PTK2B: variants seen among roughly 807,000 people sequenced by gnomAD.
PTK2B encodes protein tyrosine kinase 2 beta.
PTK2B carries 71 observed loss-of-function variants against 142.9 expected under a neutral mutation model. That is an observed-to-expected ratio of 0.50 (90% confidence interval 0.41 to 0.61). PTK2B has a LOEUF of 0.61. Ranked by LOEUF, PTK2B falls within the 20% of genes least tolerant of loss-of-function variation. PTK2B has a pLI of 0.00. For synonymous variants in PTK2B, 519 were observed against 503.4 expected (o/e 1.03, Z -0.42); for missense variants, 1,105 against 1,320.4 (o/e 0.84, Z 2.53).
upstream of PTK2B, among the ~76,000 whole-genome samples, chr8:27,324,332 T>TG (rs920785822): frequency 2.6e-5 from 4 of 151,870 alleles, no homozygotes; most frequent in East Asian, 3.9e-4. Flanking sequence ...TGGGAAGGGG[T>TG]GGGGGGGCTC....
intron 24 of PTK2B, among the ~76,000 whole-genome samples, chr8:27,447,474 C>T (rs1053103463): frequency 6.6e-6 from 1 of 152,212 alleles, no homozygotes; most frequent in Non-Finnish European, 1.5e-5. Flanking sequence ...GCTCTATAGC[C>T]TGACTCATCA....
intron 2 of PTK2B, among the ~76,000 whole-genome samples, chr8:27,416,141 A>G (rs1252431582): frequency 1.3e-5 from 2 of 152,168 alleles, no homozygotes; most frequent in Non-Finnish European, 2.9e-5. Flanking sequence ...ACACAGTCCC[A>G]CTCATAATGC....
At position 27,372,199 on chromosome 8, in the gene PTK2B, G is replaced by A. The variant is rs12681219; in HGVS notation, c.-37-25349G>A. ...AATCTTCAGTTTCTTCCTCAAAGGC[G>A]TAACTGTCTTTTAATTAAAGGGAGT... On this transcript the variant is annotated intron_variant, in intron 1 of 30. Transcript: ENST00000346049. 5.4e-3 allele frequency among the ~76,000 whole-genome samples: 820 copies of A among 152,316 alleles called. 9 individuals are homozygous for A. Among genetic ancestry groups the A allele is most frequent in the East Asian group, 0.038 (195 of 5,190 alleles).
chr8:27,414,890 AC>A (rs5890368), intron 2 of PTK2B, among the ~76,000 whole-genome samples: 35,498 of 151,732 alleles, frequency 0.23, 4,267 homozygotes, highest in Middle Eastern at 0.36. Flanking sequence ...TCTTGGCCCA[AC>A]TCCTTTGACC....
At position 27,387,817 on chromosome 8, in the gene PTK2B, C is replaced by CT. The variant is rs60954097; in HGVS notation, c.-37-9716dup. ...CTTTCTCATCCTAGACTGGGGAAGG[C>CT]TTTTTTTTTTTTTTTAAATCTACAT... On this transcript the variant is annotated intron_variant, in intron 1 of 30. Coordinates refer to ENST00000346049, the MANE Select transcript of PTK2B (RefSeq NM_173176.3). Among the ~76,000 whole-genome samples, 255 of 145,080 alleles carry CT rather than the reference C, an allele frequency of 1.8e-3. 1 individual carries two copies. Among genetic ancestry groups the CT allele is most frequent in the East Asian group, 3.5e-3 (17 of 4,898 alleles).
intron 24 of PTK2B, among the ~76,000 whole-genome samples, chr8:27,448,186 T>G (rs1811586883): frequency 6.6e-6 from 1 of 152,214 alleles, no homozygotes; most frequent in African/African-American, 2.4e-5. Context: ...GAGGCAAGAC[T>G]GAGTGGTGGG....
chr8:27,393,466 G>C (rs1212642066), intron 1 of PTK2B, among the ~76,000 whole-genome samples: 1 of 151,982 alleles, frequency 6.6e-6, no homozygotes, highest in Non-Finnish European at 1.5e-5. Flanking sequence ...GGGAGAGTGA[G>C]GAAGATAAGA....
intron 1 of PTK2B, among the ~76,000 whole-genome samples, chr8:27,351,599 T>A (rs1162277240): frequency 4.6e-5 from 7 of 151,874 alleles, no homozygotes; most frequent in Admixed American, 3.3e-4. Flanking sequence ...CCAAAAAAAA[T>A]AAATTAATTA....
intron 5 of PTK2B, among the ~76,000 whole-genome samples, chr8:27,428,766 G>A (rs1359096879): frequency 6.6e-6 from 1 of 152,154 alleles, no homozygotes; most frequent in Non-Finnish European, 1.5e-5. Context: ...GGCACAGAGT[G>A]CAAAATTGGG....
At chr8:27,317,038 G>A (rs1177029771) in intron 3 of PTK2B, among the ~76,000 whole-genome samples, 1 of 152,150 alleles carries the variant, frequency 6.6e-6, no homozygotes, top group African/African-American at 2.4e-5. Context: ...TCCTCTCTCT[G>A]GTCAGCCTAT....
intron 1 of PTK2B, among the ~76,000 whole-genome samples, chr8:27,341,495 C>T (rs1804398143): frequency 6.6e-6 from 1 of 152,122 alleles, no homozygotes; most frequent in Admixed American, 6.5e-5. Flanking sequence ...TCATCCACTC[C>T]CAAAAGAGCT....
intron 2 of PTK2B, among the ~76,000 whole-genome samples, chr8:27,417,279 A>G (rs1325352768): frequency 2.0e-5 from 3 of 152,256 alleles, no homozygotes; most frequent in African/African-American, 7.2e-5. Context: ...TTTCTGATAT[A>G]TGCAACAACA....
chr8:27,445,428 A>G (rs975535041), intron 23 of PTK2B, among the ~76,000 whole-genome samples: 3 of 152,178 alleles, frequency 2.0e-5, no homozygotes, highest in African/African-American at 4.8e-5. Context: ...TTAAAAAACA[A>G]TTCATACATA....
exon 1 of PTK2B, chr8:27,311,514 C>T (rs1586063667): frequency 9.8e-6 from 5 of 511,600 alleles, no homozygotes; most frequent in South Asian, 2.9e-5. Context: ...CGGGCGGGTC[C>T]CTGGCCGGGG....
chr8:27,424,118 C>T (rs749212007), intron 5 of PTK2B, among the ~76,000 whole-genome samples: 2 of 152,080 alleles, frequency 1.3e-5, no homozygotes, highest in African/African-American at 2.4e-5. Context: ...TTAGACAAGT[C>T]GAAAAAGCTT....
chr8:27,408,144 C>T (rs955657848), intron 2 of PTK2B, among the ~76,000 whole-genome samples: 8 of 152,216 alleles, frequency 5.3e-5, no homozygotes, highest in Non-Finnish European at 7.3e-5. Context: ...CACTCTCCCC[C>T]GAGGTGCCAT....
intron 24 of PTK2B, among the ~76,000 whole-genome samples, chr8:27,449,951 ATTAG>A (rs1329293734): frequency 7.9e-5 from 12 of 152,270 alleles, no homozygotes; most frequent in South Asian, 6.2e-4. Flanking sequence ...CATTTTATCT[ATTAG>A]TTCATGAATT....
At chr8:27,430,207 C>G (rs766705146) in intron 6 of PTK2B, 52 bp downstream of exon 6, 1 of 1,587,080 alleles carries the variant, frequency 6.3e-7, no homozygotes, top group South Asian at 1.1e-5. Context: ...TCCATGTGTA[C>G]TTTTCCTCCT....
At chr8:27,440,201 C>T in intron 20 of PTK2B, 36 bp from the exon 21 acceptor site, 1 of 1,604,878 alleles carries the variant, frequency 6.2e-7, no homozygotes, top group Non-Finnish European at 8.5e-7. Flanking sequence ...GGACTGGTCT[C>T]CCCCACCCAG....
Sources: gnomAD v4.1 joint callset for allele counts (sites outside exome capture counted in the v4.1 genomes callset) on GRCh38, gnomAD v4.1.1 for gene constraint, MANE v1.5 for transcripts, NCBI Gene and HGNC (gene_info 2026-07-23, HGNC 2026-07-21) for gene names.